Variants in SLC8A3 observed in about 807,000 individuals in gnomAD.
The protein encoded by SLC8A3 is sodium/calcium exchanger 3.
A neutral mutation model predicts 65.4 loss-of-function variants in SLC8A3; 37 were observed. The observed-to-expected ratio is 0.57, with a 90% confidence interval of 0.44 to 0.74. The LOEUF (loss-of-function observed/expected upper bound fraction) is 0.74. SLC8A3 is among the 30% of genes least tolerant of loss of function. The pLI, the probability that SLC8A3 is intolerant of heterozygous loss-of-function variation, is 0.00. For synonymous variants in SLC8A3, 461 were observed against 444.5 expected (o/e 1.04, Z -0.47); for missense variants, 1,112 against 1,172.1 (o/e 0.95, Z 0.75).
At chr14:70,149,563 T>A (rs779042393) in intron 2 of SLC8A3, among the ~76,000 whole-genome samples, 6 of 152,180 alleles carry the variant, frequency 3.9e-5, no homozygotes, top group Non-Finnish European at 8.8e-5. Context: ...GTGTGTACTA[T>A]GTGATCTGGG....
chr14:70,161,317 A>AG (rs1896880534), intron 2 of SLC8A3, among the ~76,000 whole-genome samples: 2 of 146,152 alleles, frequency 1.4e-5, no homozygotes, highest in African/African-American at 5.2e-5. Context: ...AAAAAAAAAA[A>AG]AGTCTACATA....
At chr14:70,178,367 C>A (rs572783652) in intron 1 of SLC8A3, among the ~76,000 whole-genome samples, 1 of 152,118 alleles carries the variant, frequency 6.6e-6, no homozygotes, top group Non-Finnish European at 1.5e-5. Context: ...GGTTCCCCCT[C>A]GGGAGTGACA....
intron 1 of SLC8A3, among the ~76,000 whole-genome samples, chr14:70,174,662 G>GTTTTT (rs10527244): frequency 7.5e-5 from 5 of 66,516 alleles, no homozygotes; most frequent in African/African-American, 2.1e-4. Flanking sequence ...TTTTTTTTTT[G>GTTTTT]TTTTTTTTTT....
intron 2 of SLC8A3, among the ~76,000 whole-genome samples, chr14:70,155,370 C>T (rs531398954): frequency 6.6e-6 from 1 of 152,088 alleles, no homozygotes; most frequent in South Asian, 2.1e-4. Context: ...ATCCATTAAC[C>T]AACCTCTCCC....
intron 2 of SLC8A3, among the ~76,000 whole-genome samples, chr14:70,097,057 G>C (rs970735359): frequency 1.3e-5 from 2 of 152,150 alleles, no homozygotes; most frequent in Admixed American, 6.5e-5. Flanking sequence ...AGGACTGTGG[G>C]CTGGCCGCTA....
intron 2 of SLC8A3, among the ~76,000 whole-genome samples, chr14:70,096,044 G>A (rs1892157204): frequency 6.6e-6 from 1 of 152,074 alleles, no homozygotes; most frequent in Non-Finnish European, 1.5e-5. Flanking sequence ...ACCACGCCCA[G>A]CTAATTTTTG....
chr14:70,123,655 G>A (rs1285558405), intron 2 of SLC8A3, among the ~76,000 whole-genome samples: 4 of 152,050 alleles, frequency 2.6e-5, no homozygotes, highest in African/African-American at 9.7e-5. Flanking sequence ...TCACCACGTT[G>A]GCCAGGCTGG....
intron 2 of SLC8A3, among the ~76,000 whole-genome samples, chr14:70,104,511 A>T (rs1257190223): frequency 2.6e-5 from 4 of 152,160 alleles, no homozygotes; most frequent in Non-Finnish European, 5.9e-5. Flanking sequence ...ATTATTTATG[A>T]AATATCCCTA....
chr14:70,079,658 C>T (rs34598017), intron 2 of SLC8A3, among the ~76,000 whole-genome samples: 38,327 of 151,928 alleles, frequency 0.25, 6,003 homozygotes, highest in Admixed American at 0.41. Context: ...CATATAATCA[C>T]GCACCCTGGG....
intron 2 of SLC8A3, among the ~76,000 whole-genome samples, chr14:70,120,599 GA>G (rs1893989245): frequency 6.6e-6 from 1 of 152,210 alleles, no homozygotes; most frequent in Admixed American, 6.5e-5. Context: ...AAAAGAATTA[GA>G]AATGCTGCAG....
At chr14:70,144,790 G>A (rs538862647) in intron 2 of SLC8A3, among the ~76,000 whole-genome samples, 5 of 152,148 alleles carry the variant, frequency 3.3e-5, no homozygotes, top group East Asian at 3.9e-4. Flanking sequence ...GCATTCTTCC[G>A]TTACTGTCTT....
intron 6 of SLC8A3, chr14:70,048,320 C>T (rs1262943120): frequency 3.8e-5 from 13 of 345,662 alleles, no homozygotes; most frequent in East Asian, 1.1e-4. Flanking sequence ...TCTCAGAGAT[C>T]GCCAGAGGTA....
At chr14:70,178,053 G>T (rs1200855539) in intron 1 of SLC8A3, among the ~76,000 whole-genome samples, 2 of 152,146 alleles carry the variant, frequency 1.3e-5, no homozygotes, top group Non-Finnish European at 2.9e-5. Context: ...AGAAGATGAT[G>T]GTGAAGAGGA....
intron 2 of SLC8A3, among the ~76,000 whole-genome samples, chr14:70,149,946 G>A (rs1001187869): frequency 6.6e-6 from 1 of 152,138 alleles, no homozygotes; most frequent in Admixed American, 6.5e-5. Context: ...CATCATCAAA[G>A]AAAACCCAGA....
chr14:70,163,740 G>A (rs990052650), intron 2 of SLC8A3, among the ~76,000 whole-genome samples: 1 of 152,122 alleles, frequency 6.6e-6, no homozygotes, highest in Non-Finnish European at 1.5e-5. Flanking sequence ...AAGAGCTTCA[G>A]AACCTTTCAC....
At chr14:70,101,304 C>T (rs951565408) in intron 2 of SLC8A3, among the ~76,000 whole-genome samples, 2 of 152,078 alleles carry the variant, frequency 1.3e-5, no homozygotes, top group Non-Finnish European at 2.9e-5. Context: ...CAGGAATGGC[C>T]ATCCTTAGGA....
intron 2 of SLC8A3, among the ~76,000 whole-genome samples, chr14:70,151,145 T>A (rs1896246125): frequency 6.6e-6 from 1 of 151,576 alleles, no homozygotes; most frequent in African/African-American, 2.4e-5. Context: ...TCCCAGCTAC[T>A]CAGGTGGCTG....
chr14:70,170,497 T>G (rs61978186), intron 1 of SLC8A3, among the ~76,000 whole-genome samples: 16,241 of 152,286 alleles, frequency 0.11, 1,165 homozygotes, highest in Non-Finnish European at 0.16. Flanking sequence ...CCTGAATGGT[T>G]AGTAGGTTCT....
chr14:70,147,753 C>T (rs1896024262), intron 2 of SLC8A3, among the ~76,000 whole-genome samples: 1 of 152,204 alleles, frequency 6.6e-6, no homozygotes, highest in Admixed American at 6.5e-5. Flanking sequence ...CACCCCCATG[C>T]TTCAGATAAG....
Sources: gnomAD v4.1 joint callset for allele counts (sites outside exome capture counted in the v4.1 genomes callset) on GRCh38, gnomAD v4.1.1 for gene constraint, MANE v1.5 for transcripts, NCBI Gene and HGNC (gene_info 2026-07-23, HGNC 2026-07-21) for gene names.